CFAP47: variants seen among roughly 807,000 people sequenced by gnomAD.
The protein encoded by CFAP47 is cilia and flagella associated protein 47.
Under a neutral mutation model 148.1 loss-of-function variants are expected in CFAP47, and 29 were observed. That is an observed-to-expected ratio of 0.20 (90% CI 0.15 to 0.27). CFAP47 has a LOEUF of 0.27. CFAP47 is among the 10% of genes least tolerant of loss of function. CFAP47 has a pLI of 1.00. For missense variants in CFAP47, 1,872 were observed against 1,697.5 expected (o/e 1.10, Z -1.81); for synonymous variants, 664 against 577.3 (o/e 1.15, Z -2.15).
At chrX:36,112,221 C>A (rs1410900989) in intron 33 of CFAP47, among the ~76,000 whole-genome samples, 2 of 111,704 alleles carry the variant, frequency 1.8e-5, no homozygotes, top group Non-Finnish European at 3.8e-5. Context: ...ATGTTTCTAA[C>A]TTTTCATGTG....
At chrX:36,252,872 C>G (rs1940708910) in intron 49 of CFAP47, among the ~76,000 whole-genome samples, 1 of 111,847 alleles carries the variant, frequency 8.9e-6, no homozygotes, top group Non-Finnish European at 1.9e-5. Flanking sequence ...GTGAGTTCTA[C>G]TACTTATGAG....
rs367959284 is a variant in CFAP47, at chrX:36,100,276, C to T, written c.5127+397C>T. ...GAAATACAGTCTCTAGAATGAGTAG[C>T]TACAGGAATATTCTAGTACTAAAAG... On this transcript the variant is annotated intron_variant, in intron 32 of 63. Coordinates refer to ENST00000378653, the MANE Select transcript of CFAP47 (RefSeq NM_001304548.2). 8.9e-5 allele frequency among the ~76,000 whole-genome samples: 10 copies of T among 111,937 alleles called. No homozygotes were observed. The East Asian group carries it at 2.5e-3, about 29-fold the overall frequency.
At chrX:36,310,691 A>G in intron 55 of CFAP47, 142 bp from the exon 56 acceptor site, 1 of 343,868 alleles carries the variant, frequency 2.9e-6, no homozygotes, top group Admixed American at 5.9e-5. Context: ...TTTGGAAAAG[A>G]AAGGAAAAAT....
At chrX:36,110,681 G>A (rs1938541276) in intron 33 of CFAP47, among the ~76,000 whole-genome samples, 1 of 111,787 alleles carries the variant, frequency 8.9e-6, no homozygotes, top group African/African-American at 3.3e-5. Flanking sequence ...AGCATTGATT[G>A]TATAAATTGC....
chrX:36,301,642 G>A (rs998220768), intron 53 of CFAP47, among the ~76,000 whole-genome samples: 1 of 110,714 alleles, frequency 9.0e-6, no homozygotes, highest in African/African-American at 3.3e-5. Flanking sequence ...CTGACAAAGG[G>A]TCATGTTACT....
intron 57 of CFAP47, among the ~76,000 whole-genome samples, chrX:36,335,448 C>T (rs1020862395): frequency 9.0e-6 from 1 of 111,613 alleles, no homozygotes; most frequent in Non-Finnish European, 1.9e-5. Context: ...TTTCTAATCC[C>T]AAGAACTATG....
intron 39 of CFAP47, among the ~76,000 whole-genome samples, chrX:36,177,645 AT>A (rs1939701164): frequency 8.9e-6 from 1 of 112,223 alleles, no homozygotes; most frequent in African/African-American, 3.2e-5. Flanking sequence ...CTGTTTAAAA[AT>A]TTTTAGTATT....
chrX:36,336,244 G>C (rs868941124), intron 57 of CFAP47, among the ~76,000 whole-genome samples: 10 of 65,706 alleles, frequency 1.5e-4, no homozygotes, highest in Middle Eastern at 9.3e-3. Context: ...CAGACACACA[G>C]ACACACACAC....
chrX:36,288,638 T>G (rs782728513), intron 51 of CFAP47, among the ~76,000 whole-genome samples: 2 of 112,453 alleles, frequency 1.8e-5, no homozygotes, highest in Admixed American at 1.9e-4. Flanking sequence ...ATATTGTTAA[T>G]TAAGAGATCC....
At chrX:35,947,155 T>C (rs1791788837) in intron 3 of CFAP47, among the ~76,000 whole-genome samples, 2 of 111,738 alleles carry the variant, frequency 1.8e-5, no homozygotes, top group Non-Finnish European at 3.8e-5. Context: ...ATTAGTTAGT[T>C]ACTAACTGTA....
chrX:36,233,705 A>T (rs1242551726), intron 46 of CFAP47, among the ~76,000 whole-genome samples: 1 of 111,536 alleles, frequency 9.0e-6, no homozygotes, highest in Non-Finnish European at 1.9e-5. Context: ...GTTTCTTCCT[A>T]GCCTTGACGG....
chrX:35,989,354 G>A lies in CFAP47; in HGVS notation c.2749G>A (p.Val917Ile). Residue 917 changes from valine to isoleucine, a missense_variant, in exon 16 of 64, where the codon GTA becomes ATA. By Grantham distance (29) the Val-to-Ile change is conservative. Transcript: ENST00000378653. The stretch of plus-strand genomic sequence containing the variant: ...AGCATATTCCTCACTGGAATGTGAA[G>A]TAACTTGGCAGCAGGGCTTCAGTTC... ...VEAYSSLECE[V>I]TWQQGFSSPE... 6 of 1,210,607 alleles carry A rather than the reference G, an allele frequency of 5.0e-6. No homozygotes were observed. The highest frequency in any genetic ancestry group is 6.7e-6 in the Non-Finnish European group (6 of 894,377).
intron 45 of CFAP47, among the ~76,000 whole-genome samples, chrX:36,216,910 A>AGACTCTTGCAGCCTCCGGCTGCGT (rs61182876): frequency 0.26 from 29,078 of 110,708 alleles, 4,423 homozygotes; most frequent in African/African-American, 0.57. Flanking sequence ...GGGGAGGTTC[A>AGACTCTTGCAGCCTCCGGCTGCGT]GACTCCTAAG....
At chrX:36,273,519 A>G (rs1940982409) in intron 49 of CFAP47, among the ~76,000 whole-genome samples, 1 of 111,118 alleles carries the variant, frequency 9.0e-6, no homozygotes, top group South Asian at 3.7e-4. Context: ...TTACTGTCAT[A>G]TTTATAGTTT....
intron 48 of CFAP47, among the ~76,000 whole-genome samples, chrX:36,250,958 T>C (rs782359342): frequency 9.0e-6 from 1 of 111,267 alleles, no homozygotes; most frequent in African/African-American, 3.3e-5. Flanking sequence ...TGTAGAAATT[T>C]ATTGAAATGA....
chrX:36,305,036 T>C (rs1556008574), intron 54 of CFAP47, among the ~76,000 whole-genome samples: 1 of 111,658 alleles, frequency 9.0e-6, no homozygotes, highest in East Asian at 2.8e-4. Flanking sequence ...TACTATTTGT[T>C]GTTTAACGAT....
In CFAP47 at chrX:35,919,948, T is replaced by C; in HGVS notation, c.149T>C (p.Leu50Pro). Residue 50 changes from leucine (L) to proline (P), a missense_variant, in exon 1 of 64, where the codon CTG becomes CCG. Leu to Pro is a moderately conservative substitution (Grantham distance 98). Transcript: ENST00000378653. ...GTGATCCCGGCTGAGGTGAAGTTCCTGGACACGATGGCCGGGAGGGTGTAC... is the reference window on the plus strand; with the variant it reads ...GTGATCCCGGCTGAGGTGAAGTTCCCGGACACGATGGCCGGGAGGGTGTAC... ...LRVIPAEVKF[L>P]DTMAGRVYRL... 1.7e-6 allele frequency: 2 copies of C among 1,210,990 alleles called. No homozygotes were observed. The highest frequency in any genetic ancestry group is 3.5e-5 in the South Asian group (2 of 56,862).
At chrX:35,935,412 C>T (rs7056329) in intron 2 of CFAP47, among the ~76,000 whole-genome samples, 20,686 of 110,660 alleles carry the variant, frequency 0.19, 1,591 homozygotes, top group African/African-American at 0.28. Context: ...TGCACAGATT[C>T]TCTCTCCATG....
chrX:36,226,755 A>G (rs1025401299), intron 45 of CFAP47, among the ~76,000 whole-genome samples: 4 of 110,907 alleles, frequency 3.6e-5, no homozygotes, highest in Non-Finnish European at 5.7e-5. Context: ...AATCATTAGG[A>G]AATGAACATT....
Sources: gnomAD v4.1 joint callset for allele counts (sites outside exome capture counted in the v4.1 genomes callset) on GRCh38, gnomAD v4.1.1 for gene constraint, MANE v1.5 for transcripts, NCBI Gene and HGNC (gene_info 2026-07-23, HGNC 2026-07-21) for gene names.